The following COPB2 variants were observed in gnomAD, a reference collection of about 807,000 sequenced individuals.
COPB2 encodes the protein coat protein complex I subunit beta 2.
COPB2 carries 16 observed loss-of-function variants against 120.8 expected under a neutral mutation model. The ratio of observed to expected loss-of-function variants is 0.13; its 90% confidence interval spans 0.09 to 0.20. The LOEUF is 0.20. Among genes scored for constraint, COPB2 ranks in the 10% least tolerant of loss-of-function variants. The pLI is 1.00. For synonymous variants in COPB2, 332 were observed against 366.3 expected (o/e 0.91, Z 1.07); for missense variants, 794 against 1,076.5 (o/e 0.74, Z 3.67).
intron 4 of COPB2, 40 bp from the exon 5 acceptor site, chr3:139,378,229 T>C (rs766208327): frequency 6.7e-7 from 1 of 1,501,124 alleles, no homozygotes; most frequent in East Asian, 2.3e-5. Context: ...GTAATTCTAT[T>C]TTTTCACTTC....
At chr3:139,377,881 T>G (rs1177982584) in intron 5 of COPB2, among the ~76,000 whole-genome samples, 160 bp downstream of exon 5, 1 of 152,222 alleles carries the variant, frequency 6.6e-6, no homozygotes, top group Non-Finnish European at 1.5e-5. Flanking sequence ...AAACAGAACA[T>G]GTCGTTTGGA....
At chr3:139,386,115 C>T (rs1941914822) in intron 1 of COPB2, among the ~76,000 whole-genome samples, 1 of 152,180 alleles carries the variant, frequency 6.6e-6, no homozygotes, top group Non-Finnish European at 1.5e-5. Flanking sequence ...TACTTCAAGT[C>T]TTGTTCTACC....
intron 1 of COPB2, among the ~76,000 whole-genome samples, chr3:139,386,241 C>T (rs1941917568): frequency 6.6e-6 from 1 of 151,512 alleles, no homozygotes; most frequent in African/African-American, 2.4e-5. Flanking sequence ...GTCCCTTCCT[C>T]TCTCCAATTT....
rs1941444057 is a variant in COPB2, at chr3:139,362,590, AC to A, written c.1885-74del. Reference sequence around the variant, plus strand: ...ATGTATGTTTTATATATATATATATACACACACATATACAGTGTACACACAT... The same window carrying A: ...ATGTATGTTTTATATATATATATATAACACACATATACAGTGTACACACAT... On this transcript the variant is annotated intron_variant, in intron 15 of 21. Coordinates refer to ENST00000333188, the MANE Select transcript of COPB2 (RefSeq NM_004766.3). 7 of 829,718 alleles carry A rather than the reference AC, an allele frequency of 8.4e-6. No homozygotes were observed. In the South Asian group the frequency reaches 9.8e-5, roughly 12 times the overall value. 51.4% of individuals were successfully genotyped at this position (829,718 alleles called of 1,614,324 possible). A position where few individuals can be genotyped will look rare whatever the true frequency, so the allele number is the denominator to read the frequency against.
intron 15 of COPB2, among the ~76,000 whole-genome samples, chr3:139,363,894 T>C (rs1197858496): frequency 8.5e-5 from 13 of 152,182 alleles, no homozygotes; most frequent in Admixed American, 7.2e-4. Flanking sequence ...AGCATTGATA[T>C]AGATAACATA....
intron 20 of COPB2, 113 bp downstream of exon 20, chr3:139,358,631 A>C: frequency 1.4e-6 from 1 of 737,316 alleles, no homozygotes; most frequent in Non-Finnish European, 2.3e-6. Context: ...CAGTGAGCCT[A>C]GATCGCGCCA....
intron 21 of COPB2, 59 bp from the exon 22 acceptor site, chr3:139,358,017 C>A: frequency 1.8e-6 from 2 of 1,118,610 alleles, no homozygotes; most frequent in South Asian, 1.5e-5. Flanking sequence ...GAAAGTTATC[C>A]GTGGGTTCAT....
At chr3:139,361,632 T>A (rs953941404) in intron 16 of COPB2, among the ~76,000 whole-genome samples, 1 of 152,274 alleles carries the variant, frequency 6.6e-6, no homozygotes, top group Non-Finnish European at 1.5e-5. Context: ...AGTGATTTAA[T>A]ATCACTTTTT....
At position 139,357,459 on chromosome 3, in the gene COPB2, A is replaced by C; in HGVS notation, c.*404T>G. ...CTCTAAGAAAAATGTGATTGACAAC[A>C]TTTGAAAATGCAGATTTAGTTATAC... On this transcript the variant is annotated 3_prime_UTR_variant, in exon 22 of 22. Coordinates refer to ENST00000333188, the MANE Select transcript of COPB2 (RefSeq NM_004766.3). The C allele has an allele frequency of 5.5e-6, 1 of 181,434 alleles. No homozygotes were observed. The highest frequency in any genetic ancestry group is 1.1e-5 in the Non-Finnish European group (1 of 87,718). The allele number at this position is 181,434 out of a possible 1,614,324, so 11.2% of individuals were successfully genotyped here.
intron 15 of COPB2, 72 bp from the exon 16 acceptor site, chr3:139,362,589 TAC>T (rs905369799): frequency 5.8e-4 from 268 of 465,266 alleles, no homozygotes; most frequent in Non-Finnish European, 7.4e-4. Flanking sequence ...TATATATATA[TAC>T]ACACACATAT....
intron 15 of COPB2, among the ~76,000 whole-genome samples, chr3:139,365,657 C>G (rs1941500761): frequency 6.6e-6 from 1 of 152,066 alleles, no homozygotes; most frequent in African/African-American, 2.4e-5. Flanking sequence ...CCAGTGCAGT[C>G]TGAAGGAGAC....
At chr3:139,383,842 CAT>C (rs1404238492) in intron 1 of COPB2, among the ~76,000 whole-genome samples, 8 of 152,032 alleles carry the variant, frequency 5.3e-5, no homozygotes, top group Admixed American at 2.6e-4. Flanking sequence ...ATTAAAATAA[CAT>C]GTTTTTATGA....
At position 139,369,534 on chromosome 3, in the gene COPB2, T is replaced by C; in HGVS notation, c.1216A>G (p.Arg406Gly). 1.9e-6 allele frequency: 3 copies of C among 1,604,886 alleles called. No homozygotes were observed. The highest frequency in any genetic ancestry group is 2.6e-6 in the Non-Finnish European group (3 of 1,174,674). Residue 406 changes from arginine to glycine, a missense_variant, in exon 11 of 22, where the codon AGA becomes GGA. Arg to Gly is a moderately radical substitution (Grantham distance 125). Around this residue, in one of 3 missense-constraint regions of COPB2, gnomAD observed 610 missense variants for 866.7 expected, o/e 0.70. Coordinates refer to ENST00000333188, the MANE Select transcript of COPB2 (RefSeq NM_004766.3). ...WAHDSSEYAI[R>G]ESNSIVKIFK... ...ATCTTTACAATGCTGTTGCTCTCTC[T>C]TATTGCATACCTGGGAGAAAAAAGG...
At chr3:139,364,598 T>C (rs1941482538) in intron 15 of COPB2, among the ~76,000 whole-genome samples, 1 of 152,288 alleles carries the variant, frequency 6.6e-6, no homozygotes, top group South Asian at 2.1e-4. Context: ...TACTAAAATG[T>C]CAACTCCATG....
At chr3:139,372,612 A>G (rs1941640920) in intron 9 of COPB2, among the ~76,000 whole-genome samples, 1 of 152,210 alleles carries the variant, frequency 6.6e-6, no homozygotes, top group African/African-American at 2.4e-5. Context: ...GTCTTTTTCA[A>G]TACTCAGCAC....
Position 139,358,677 on chromosome 3 carries a change from T to C in COPB2, c.2553+67A>G, listed in dbSNP as rs540769474. On this transcript the variant is annotated intron_variant, in intron 20 of 21. Transcript: ENST00000333188. The stretch of plus-strand genomic sequence containing the variant: ...GCCAGGGCAATGGAGCGAAACTCTG[T>C]CTCAAAAGAAAAAAAAAAAAAGTGA... 4.3e-5 allele frequency: 49 copies of C among 1,132,156 alleles called. No individual in the cohort carries two copies. In the Middle Eastern group the frequency reaches 5.5e-3, roughly 126 times the overall value. 70.1% of individuals were successfully genotyped at this position (1,132,156 alleles called of 1,614,324 possible). A position where few individuals can be genotyped will look rare whatever the true frequency, so the allele number is the denominator to read the frequency against.
chr3:139,363,420 A>G (rs1465134566), intron 15 of COPB2, among the ~76,000 whole-genome samples: 1 of 152,186 alleles, frequency 6.6e-6, no homozygotes, highest in East Asian at 1.9e-4. Flanking sequence ...TGAGACTCTT[A>G]ATGCCTGACG....
intron 2 of COPB2, 72 bp from the exon 3 acceptor site, chr3:139,379,538 C>A: frequency 1.7e-6 from 2 of 1,202,558 alleles, no homozygotes; most frequent in Admixed American, 2.0e-5. Context: ...TGTTATATTT[C>A]AAACATCCAA....
intron 19 of COPB2, 42 bp downstream of exon 19, chr3:139,358,956 C>G: frequency 6.2e-7 from 1 of 1,600,046 alleles, no homozygotes; most frequent in South Asian, 1.1e-5. Flanking sequence ...TACTTCCACC[C>G]TGTAGTTACA....
Sources: gnomAD v4.1 joint callset for allele counts (sites outside exome capture counted in the v4.1 genomes callset) on GRCh38, gnomAD v4.1.1 for gene constraint, gnomAD v4.1.1 regional missense constraint, MANE v1.5 for transcripts, NCBI Gene and HGNC (gene_info 2026-07-23, HGNC 2026-07-21) for gene names.